The following MCPH1 variants were observed in gnomAD, a reference collection of about 807,000 sequenced individuals.
The protein encoded by MCPH1 is microcephalin.
Under a neutral mutation model 84.5 loss-of-function variants are expected in MCPH1, and 104 were observed. The ratio of observed to expected loss-of-function variants is 1.23; its 90% CI spans 1.05 to 1.45. The LOEUF is 1.45. MCPH1 is among the 40% of genes most tolerant of loss of function. MCPH1 has a pLI of 0.00. For synonymous variants in MCPH1, 514 were observed against 366.8 expected (o/e 1.40, Z -4.58); for missense variants, 1,498 against 1,005.7 (o/e 1.49, Z -6.62).
chr8:6,553,645 A>G (rs1204425049), intron 12 of MCPH1, among the ~76,000 whole-genome samples: 1 of 151,676 alleles, frequency 6.6e-6, no homozygotes, highest in Non-Finnish European at 1.5e-5. Flanking sequence ...CAGAAACAAA[A>G]TCCCTGAAAT....
intron 3 of MCPH1, among the ~76,000 whole-genome samples, chr8:6,422,515 A>C (rs1303770475): frequency 1.3e-5 from 2 of 152,124 alleles, no homozygotes; most frequent in African/African-American, 4.8e-5. Context: ...GGTCACTGGT[A>C]GTGTGTTCTG....
intron 12 of MCPH1, among the ~76,000 whole-genome samples, chr8:6,576,114 C>T (rs1372456449): frequency 6.6e-6 from 1 of 151,412 alleles, no homozygotes; most frequent in African/African-American, 2.4e-5. Context: ...GCAGCCTCCA[C>T]CAAACACTGT....
intron 3 of MCPH1, among the ~76,000 whole-genome samples, chr8:6,420,865 C>T (rs1323424484): frequency 6.6e-6 from 1 of 152,082 alleles, no homozygotes; most frequent in African/African-American, 2.4e-5. Context: ...AAGAATTCCA[C>T]GGAGGAGCAT....
In MCPH1 at chr8:6,565,706, A is replaced by C. The variant is rs111698198; in HGVS notation, c.2215-55748A>C. On this transcript the variant is annotated intron_variant, in intron 12 of 13. Coordinates refer to ENST00000344683, the MANE Select transcript of MCPH1 (RefSeq NM_024596.5). ...ATGCTATGCACTGGGGATAGAGATTAAGGCAACTGGGTGTCTGACCTAAAG... is the reference window on the plus strand; with the variant it reads ...ATGCTATGCACTGGGGATAGAGATTCAGGCAACTGGGTGTCTGACCTAAAG... Among the ~76,000 whole-genome samples the C allele has an allele frequency of 9.6e-3, 1,470 of 152,340 alleles. 24 individuals carry two copies. The highest frequency in any genetic ancestry group is 0.033 in the African/African-American group (1,361 of 41,564).
At chr8:6,516,627 C>A (rs145119099) in intron 12 of MCPH1, among the ~76,000 whole-genome samples, 5 of 152,312 alleles carry the variant, frequency 3.3e-5, no homozygotes, top group African/African-American at 1.2e-4. Context: ...TTTTAAAAAT[C>A]TATTTCATAA....
rs562425494 is a variant in MCPH1, at chr8:6,528,653, G to A, written c.2214+28724G>A. On this transcript the variant is annotated intron_variant, in intron 12 of 13. Coordinates refer to ENST00000344683, the MANE Select transcript of MCPH1 (RefSeq NM_024596.5). ...GCGGCTCTCCCGCGGATTCTCTAGC[G>A]CCTGGTTGCCCTTCAGCAGGAAGAA... is the stretch of plus-strand genomic sequence containing the variant. Among the ~76,000 whole-genome samples the A allele has an allele frequency of 1.1e-4, 16 of 152,362 alleles. No homozygotes were observed. In the East Asian group the frequency reaches 1.5e-3, roughly 15 times the overall value.
At chr8:6,504,341 T>C (rs962890961) in intron 12 of MCPH1, among the ~76,000 whole-genome samples, 23 of 121,450 alleles carry the variant, frequency 1.9e-4, no homozygotes, top group African/African-American at 6.8e-4. Flanking sequence ...AAAAAAAGAA[T>C]GTATAAACCT....
At chr8:6,446,777 G>T in intron 8 of MCPH1, 1 of 984,966 alleles carries the variant, frequency 1.0e-6, no homozygotes, top group Non-Finnish European at 1.2e-6. Context: ...AAATTAAGTA[G>T]GAAAAAGCTG....
intron 12 of MCPH1, among the ~76,000 whole-genome samples, chr8:6,602,862 C>A (rs1829479455): frequency 6.6e-6 from 1 of 151,838 alleles, no homozygotes; most frequent in Non-Finnish European, 1.5e-5. Context: ...TAAAGAGATG[C>A]AATAAACTAA....
At chr8:6,443,025 A>C (rs577479989) in intron 7 of MCPH1, among the ~76,000 whole-genome samples, 12 of 152,338 alleles carry the variant, frequency 7.9e-5, no homozygotes, top group South Asian at 6.2e-4. Context: ...AACAAGTGAT[A>C]ATAATAGCTA....
chr8:6,604,544 G>A (rs1340379231), intron 12 of MCPH1, among the ~76,000 whole-genome samples: 2 of 152,204 alleles, frequency 1.3e-5, no homozygotes, highest in Non-Finnish European at 2.9e-5. Flanking sequence ...TCACTCTATC[G>A]CCCAGGCTGG....
chr8:6,574,845 C>A (rs887998533), intron 12 of MCPH1, among the ~76,000 whole-genome samples: 1 of 152,068 alleles, frequency 6.6e-6, no homozygotes, highest in Non-Finnish European at 1.5e-5. Flanking sequence ...GGAGAGAGAA[C>A]AGGGCAGGCA....
chr8:6,420,123 T>A (rs1218976898), intron 3 of MCPH1, among the ~76,000 whole-genome samples: 1 of 151,818 alleles, frequency 6.6e-6, no homozygotes, highest in Non-Finnish European at 1.5e-5. Context: ...TGTTTTTCTC[T>A]TAGTTTCTTC....
In MCPH1 at chr8:6,419,237, GA is replaced by G. The variant is rs1350216728; in HGVS notation, c.233+4356del. ...TTGACAGTATTTGTTTTTGTTTTTT[GA>G]AGACAGGGTCTTGCTCTGTTGCCGA... On this transcript the variant is annotated intron_variant, in intron 3 of 13. Coordinates refer to ENST00000344683, the MANE Select transcript of MCPH1 (RefSeq NM_024596.5). Among the ~76,000 whole-genome samples, 6 of 149,300 alleles carry G rather than the reference GA, an allele frequency of 4.0e-5. No homozygotes were observed. In the East Asian group the frequency reaches 1.2e-3, roughly 29 times the overall value.
chr8:6,420,087 C>T (rs369061248), intron 3 of MCPH1, among the ~76,000 whole-genome samples: 5 of 151,138 alleles, frequency 3.3e-5, no homozygotes, highest in Non-Finnish European at 4.4e-5. Context: ...ATCTCGTTTG[C>T]GTTTTGTTTC....
At chr8:6,578,313 G>A (rs188527587) in intron 12 of MCPH1, among the ~76,000 whole-genome samples, 4 of 152,272 alleles carry the variant, frequency 2.6e-5, no homozygotes, top group Admixed American at 1.3e-4. Context: ...CAGCATTTTC[G>A]TTGGCAAAAG....
intron 12 of MCPH1, chr8:6,513,764 A>G (rs1251543460): frequency 2.5e-6 from 4 of 1,613,936 alleles, no homozygotes; most frequent in Non-Finnish European, 3.4e-6. Flanking sequence ...GGTGTATTTT[A>G]AGCACATAGC....
chr8:6,539,314 G>C (rs1370481384), intron 12 of MCPH1, among the ~76,000 whole-genome samples: 3 of 152,220 alleles, frequency 2.0e-5, no homozygotes, highest in South Asian at 4.1e-4. Flanking sequence ...CCATGCCAAA[G>C]CTACTTGCCA....
chr8:6,560,296 C>T (rs942285622), intron 12 of MCPH1, among the ~76,000 whole-genome samples: 10 of 152,120 alleles, frequency 6.6e-5, no homozygotes, highest in Middle Eastern at 3.2e-3. Context: ...GCTTTCTGTG[C>T]TAATTAAATC....
Sources: allele counts gnomAD v4.1 joint callset (sites outside exome capture counted in the v4.1 genomes callset), GRCh38; gene constraint gnomAD v4.1.1; transcripts MANE v1.5; gene names NCBI Gene and HGNC (gene_info 2026-07-23, HGNC 2026-07-21).